The following STK3 variants were observed in gnomAD, a reference collection of about 807,000 sequenced individuals.
The protein encoded by STK3 is serine/threonine-protein kinase 3.
In STK3, 41 loss-of-function variants were observed where a neutral mutation model predicts 58.0. That is an observed-to-expected ratio of 0.71 (90% CI 0.55 to 0.92). The LOEUF is 0.92. Ranked by LOEUF, STK3 falls within the 40% of genes least tolerant of loss-of-function variation. The probability of loss-of-function intolerance (pLI) is 0.00; values close to 1 mark genes in which losing one functional copy is unlikely to be tolerated. For missense variants in STK3, 479 were observed against 602.7 expected, an observed-to-expected ratio of 0.79 and a Z score of 2.15; for synonymous variants, 170 against 191.0, an observed-to-expected ratio of 0.89 and a Z score of 0.91.
At chr8:98,449,669 T>C (rs1819110445), downstream of STK3, among the ~76,000 whole-genome samples, 1 of 152,202 alleles carries the variant, frequency 6.6e-6, no homozygotes, top group African/African-American at 2.4e-5. Context: ...AACATAATGT[T>C]ATGATTTGGA....
chr8:98,721,150 G>A (rs1286791249), intron 4 of STK3: 1 of 980,484 alleles, frequency 1.0e-6, no homozygotes, highest in African/African-American at 1.8e-5. Context: ...ATTGAAAACA[G>A]ATGCTTAATT....
At chr8:98,557,278 C>G (rs573945696) in intron 8 of STK3, among the ~76,000 whole-genome samples, 25 of 152,164 alleles carry the variant, frequency 1.6e-4, no homozygotes, top group African/African-American at 5.8e-4. Flanking sequence ...TCAAAGGGTA[C>G]TATCGTACAT....
chr8:98,445,757 C>T (rs1279315399), intron 1 of STK3, among the ~76,000 whole-genome samples: 2 of 152,162 alleles, frequency 1.3e-5, no homozygotes, highest in African/African-American at 4.8e-5. Context: ...AAGCTGTTGC[C>T]AACTCTCTAC....
intron 7 of STK3, among the ~76,000 whole-genome samples, chr8:98,589,573 G>T (rs1168769429): frequency 6.6e-6 from 1 of 152,242 alleles, no homozygotes; most frequent in East Asian, 1.9e-4. Flanking sequence ...CCTGCCCCCA[G>T]AGGTGGAGCC....
At chr8:98,404,106 T>C (rs1341153136) in intron 3 of STK3, among the ~76,000 whole-genome samples, 1 of 152,242 alleles carries the variant, frequency 6.6e-6, no homozygotes, top group Non-Finnish European at 1.5e-5. Flanking sequence ...TTGATCAGTC[T>C]TTTCAATGAT....
chr8:98,596,261 A>G, intron 6 of STK3, 92 bp from the exon 7 acceptor site: 1 of 1,410,830 alleles, frequency 7.1e-7, no homozygotes, highest in East Asian at 2.5e-5. Flanking sequence ...ATCAGACTCT[A>G]AATTTGAAAA....
chr8:98,592,568 T>G (rs965030383), intron 7 of STK3, among the ~76,000 whole-genome samples: 1 of 151,998 alleles, frequency 6.6e-6, no homozygotes, highest in African/African-American at 2.4e-5. Flanking sequence ...TACTAGTTTG[T>G]CAAAAATGTT....
At chr8:98,416,248 C>T (rs546253831) in intron 3 of STK3, among the ~76,000 whole-genome samples, 2 of 152,106 alleles carry the variant, frequency 1.3e-5, no homozygotes, top group Admixed American at 6.5e-5. Context: ...TTTGGGCGAT[C>T]AAGATGCACT....
At chr8:98,875,501 C>T (rs1046811894) in intron 3 of STK3, 1 of 152,208 alleles carries the variant, frequency 6.6e-6, no homozygotes, top group African/African-American at 2.4e-5. Flanking sequence ...TCTCTTAAAA[C>T]ATTTTTCAGG....
chr8:98,765,797 G>A (rs1326500393), intron 3 of STK3, among the ~76,000 whole-genome samples: 1 of 152,194 alleles, frequency 6.6e-6, no homozygotes, highest in Non-Finnish European at 1.5e-5. Context: ...TGTTAAGGGA[G>A]AATAATAAAT....
At chr8:98,555,766 T>C (rs562804282) in intron 8 of STK3, among the ~76,000 whole-genome samples, 1 of 152,078 alleles carries the variant, frequency 6.6e-6, no homozygotes, top group South Asian at 2.1e-4. Flanking sequence ...CAGCAAACAA[T>C]AAATGTAACA....
At chr8:98,624,937 T>C (rs1185543368) in intron 6 of STK3, among the ~76,000 whole-genome samples, 1 of 152,022 alleles carries the variant, frequency 6.6e-6, no homozygotes, top group Non-Finnish European at 1.5e-5. Context: ...TGCCTGAGGA[T>C]ACTGACAAGC....
At chr8:98,379,074 T>C (rs1817704180) in intron 2 of STK3, 1 of 145,506 alleles carries the variant, frequency 6.9e-6, no homozygotes, top group Admixed American at 6.9e-5. Context: ...CGGTCTCAGA[T>C]AATCTGCTTC....
intron 6 of STK3, among the ~76,000 whole-genome samples, chr8:98,675,723 C>T (rs903317421): frequency 9.2e-5 from 14 of 152,076 alleles, no homozygotes; most frequent in African/African-American, 2.9e-4. Context: ...ACTAGCCAGA[C>T]GTGGTGGCGG....
chr8:98,889,218 T>C (rs1400513104), intron 1 of STK3, among the ~76,000 whole-genome samples: 1 of 152,210 alleles, frequency 6.6e-6, no homozygotes, highest in Non-Finnish European at 1.5e-5. Context: ...CAAGATGGTA[T>C]GAGAGCCAGT....
At chr8:98,731,815 T>C (rs927873889) in intron 4 of STK3, among the ~76,000 whole-genome samples, 3 of 152,020 alleles carry the variant, frequency 2.0e-5, no homozygotes, top group Non-Finnish European at 4.4e-5. Context: ...ATATTATGCC[T>C]GTCAGTCAAA....
chr8:98,409,956 A>T (rs184149404), intron 3 of STK3, among the ~76,000 whole-genome samples: 122 of 152,358 alleles, frequency 8.0e-4, no homozygotes, highest in African/African-American at 2.9e-3. Context: ...TCCAAGGTCC[A>T]ACAATCAAGT....
chr8:98,933,037 T>C (rs1468712308), intron 1 of STK3, among the ~76,000 whole-genome samples: 1 of 152,094 alleles, frequency 6.6e-6, no homozygotes, highest in Non-Finnish European at 1.5e-5. Context: ...CTGGGTTATA[T>C]CGTCTCTAAA....
intron 6 of STK3, among the ~76,000 whole-genome samples, chr8:98,640,877 A>C (rs1458003982): frequency 6.6e-6 from 1 of 151,410 alleles, no homozygotes. Flanking sequence ...AAAAAGGATG[A>C]TCAAACTATT....
Sources: gnomAD v4.1 joint callset for allele counts (sites outside exome capture counted in the v4.1 genomes callset) on GRCh38, gnomAD v4.1.1 for gene constraint, MANE v1.5 for transcripts, NCBI Gene and HGNC (gene_info 2026-07-23, HGNC 2026-07-21) for gene names.